The following FGF12 variants were observed in gnomAD, a reference collection of about 807,000 sequenced individuals.
The protein encoded by FGF12 is fibroblast growth factor 12.
FGF12 carries 14 observed loss-of-function variants against 23.6 expected under a neutral mutation model. The observed-to-expected ratio is 0.59, with a 90% CI of 0.39 to 0.93. The LOEUF is 0.93. Ranked by LOEUF, FGF12 falls within the 40% of genes least tolerant of loss-of-function variation. The probability of loss-of-function intolerance (pLI) is 0.00; values close to 1 mark genes in which losing one functional copy is unlikely to be tolerated. For missense variants in FGF12, 175 were observed against 217.8 expected (o/e 0.80, Z 1.24); for synonymous variants, 62 against 77.3 (o/e 0.80, Z 1.04).
intron 5 of FGF12, among the ~76,000 whole-genome samples, chr3:192,154,691 G>C (rs1191550714): frequency 1.4e-5 from 2 of 141,446 alleles, no homozygotes. Flanking sequence ...CCAGCTGCGT[G>C]CTGGGAGAAC....
chr3:192,328,914 G>A (rs1337545464), intron 4 of FGF12, among the ~76,000 whole-genome samples: 4 of 152,188 alleles, frequency 2.6e-5, no homozygotes, highest in African/African-American at 2.4e-5. Flanking sequence ...GGTTTACTGA[G>A]ATTGCTTTGA....
intron 3 of FGF12, among the ~76,000 whole-genome samples, chr3:192,344,338 T>G (rs555305987): frequency 6.6e-6 from 1 of 151,964 alleles, no homozygotes; most frequent in Non-Finnish European, 1.5e-5. Context: ...TAGTTCAACT[T>G]AAATTTTTTA....
chr3:192,313,748 T>C (rs908541535), intron 4 of FGF12, among the ~76,000 whole-genome samples: 1 of 152,206 alleles, frequency 6.6e-6, no homozygotes, highest in Admixed American at 6.5e-5. Flanking sequence ...GAAGAGACTA[T>C]GTATGCATAT....
At chr3:192,354,332 C>T (rs941215947) in intron 3 of FGF12, among the ~76,000 whole-genome samples, 1 of 151,574 alleles carries the variant, frequency 6.6e-6, no homozygotes, top group Non-Finnish European at 1.5e-5. Flanking sequence ...AGAAAGAATA[C>T]GTTACAAAAA....
intron 2 of FGF12, among the ~76,000 whole-genome samples, chr3:192,708,885 T>A: frequency 6.6e-6 from 1 of 152,370 alleles, no homozygotes. Flanking sequence ...AATGTAATTA[T>A]TGTTAATATT....
rs1411746541 is a variant in FGF12 at position 192,460,447 on chromosome 3, A to G, written c.14-99909T>C. ...CGAAGTTCAGGATGTCCACTGAAAA[A>G]CAGTGGAATATAAGGCTCATGTATC... is the stretch of plus-strand genomic sequence containing the variant. On this transcript the variant is annotated intron_variant, in intron 2 of 5. Coordinates refer to ENST00000445105, the MANE Select transcript of FGF12 (RefSeq NM_004113.6). 2.6e-5 allele frequency among the ~76,000 whole-genome samples: 4 copies of G among 152,216 alleles called. No homozygotes were observed. The South Asian group carries it at 6.2e-4, about 24-fold the overall frequency.
chr3:192,290,572 A>G (rs764398119), intron 4 of FGF12, among the ~76,000 whole-genome samples: 2 of 152,162 alleles, frequency 1.3e-5, no homozygotes, highest in African/African-American at 4.8e-5. Flanking sequence ...TTAGTCATAC[A>G]TGCGAAACAC....
intron 2 of FGF12, among the ~76,000 whole-genome samples, chr3:192,425,109 T>C (rs1399750345): frequency 6.6e-6 from 1 of 152,174 alleles, no homozygotes; most frequent in East Asian, 1.9e-4. Flanking sequence ...TTTATGTGCT[T>C]TTCCTTTTAC....
chr3:192,283,134 C>T (rs545190562), intron 4 of FGF12: 8 of 152,124 alleles, frequency 5.3e-5, no homozygotes, highest in Non-Finnish European at 1.0e-4. Context: ...GAAAAATTTT[C>T]GTGACATGAA....
At chr3:192,382,388 A>G (rs1050605525) in intron 2 of FGF12, among the ~76,000 whole-genome samples, 3 of 152,198 alleles carry the variant, frequency 2.0e-5, no homozygotes, top group Non-Finnish European at 4.4e-5. Flanking sequence ...CATTTTGCCA[A>G]TGGTGTAGAA....
intron 2 of FGF12, among the ~76,000 whole-genome samples, chr3:192,694,331 T>G (rs554416017): frequency 6.6e-6 from 1 of 152,106 alleles, no homozygotes; most frequent in African/African-American, 2.4e-5. Context: ...ACGAACAGTA[T>G]GAAAGTTCCT....
In FGF12 at chr3:192,643,043, T is replaced by G. The variant is rs913191947; in HGVS notation, c.13+84138A>C. ...CTGTATATTCACAATCATTAAGTGT[T>G]TCTTCATGGAATGATATTGCACAAG... is the stretch of plus-strand genomic sequence containing the variant. On this transcript the variant is annotated intron_variant, in intron 2 of 5. Transcript: ENST00000445105. Among the ~76,000 whole-genome samples the G allele has an allele frequency of 9.6e-4, 147 of 152,346 alleles. 2 individuals carry two copies. Among genetic ancestry groups the G allele is most frequent in the Non-Finnish European group, 8.2e-4 (56 of 68,020 alleles).
rs140798196 is a variant in FGF12 at position 192,614,017 on chromosome 3, T to C, written c.13+113164A>G. On this transcript the variant is annotated intron_variant, in intron 2 of 5. Transcript: ENST00000445105. ...AAGAGCATGCTCTCCCCTGGCATCC[T>C]AGCATTTCTTGTCCTTCCCCATTGC... Among the ~76,000 whole-genome samples the C allele has an allele frequency of 1.6e-4, 25 of 152,030 alleles. No individual in the cohort carries two copies. In the East Asian group the frequency reaches 4.7e-3, roughly 28 times the overall value.
At chr3:192,345,276 C>T (rs1717898560) in intron 3 of FGF12, among the ~76,000 whole-genome samples, 1 of 152,022 alleles carries the variant, frequency 6.6e-6, no homozygotes, top group Non-Finnish European at 1.5e-5. Context: ...CTTTACAGAC[C>T]AGGAAACTGA....
chr3:192,231,505 C>T (rs1719018699), intron 4 of FGF12, among the ~76,000 whole-genome samples: 1 of 152,168 alleles, frequency 6.6e-6, no homozygotes. Context: ...TGCAGTGGCT[C>T]ATGCCTGTAA....
chr3:192,387,691 A>C (rs1212561164), intron 2 of FGF12, among the ~76,000 whole-genome samples: 1 of 148,798 alleles, frequency 6.7e-6, no homozygotes, highest in African/African-American at 2.5e-5. Flanking sequence ...TACAAAAAAA[A>C]TACAAAAAAA....
At chr3:192,605,152 G>A (rs904025373) in intron 2 of FGF12, among the ~76,000 whole-genome samples, 5 of 152,080 alleles carry the variant, frequency 3.3e-5, no homozygotes, top group African/African-American at 1.2e-4. Flanking sequence ...GTCGAGATAG[G>A]CGGATCATCA....
intron 2 of FGF12, among the ~76,000 whole-genome samples, chr3:192,403,290 G>T (rs1297558338): frequency 2.6e-5 from 4 of 152,064 alleles, no homozygotes; most frequent in African/African-American, 9.6e-5. Context: ...CCTATAAATT[G>T]TTTTTCTACT....
At chr3:192,549,016 C>A (rs986341031) in intron 2 of FGF12, among the ~76,000 whole-genome samples, 2 of 152,158 alleles carry the variant, frequency 1.3e-5, no homozygotes, top group Non-Finnish European at 2.9e-5. Context: ...ACCACTGCCA[C>A]ATTTCTTAAT....
Sources: allele counts gnomAD v4.1 joint callset (sites outside exome capture counted in the v4.1 genomes callset), GRCh38; gene constraint gnomAD v4.1.1; transcripts MANE v1.5; gene names NCBI Gene and HGNC (gene_info 2026-07-23, HGNC 2026-07-21).